Variants in BTBD9 observed in about 807,000 individuals in gnomAD.
The protein encoded by BTBD9 is BTB/POZ domain-containing protein 9.
A neutral mutation model predicts 64.3 loss-of-function variants in BTBD9; 49 were observed. The observed-to-expected ratio is 0.76, with a 90% CI of 0.61 to 0.97. The LOEUF is 0.97. BTBD9 is among the 50% of genes least tolerant of loss of function. BTBD9 has a pLI of 0.00. For synonymous variants in BTBD9, 260 were observed against 274.7 expected (o/e 0.95, Z 0.53); for missense variants, 598 against 762.1 (o/e 0.78, Z 2.53).
chr6:38,470,288 G>A (rs1462461712), intron 6 of BTBD9, among the ~76,000 whole-genome samples: 1 of 152,218 alleles, frequency 6.6e-6, no homozygotes, highest in Non-Finnish European at 1.5e-5. Context: ...ATGAAATGCA[G>A]TCCAATCTTC....
intron 1 of BTBD9, among the ~76,000 whole-genome samples, chr6:38,619,154 T>C (rs1258032126): frequency 6.6e-6 from 1 of 152,158 alleles, no homozygotes; most frequent in African/African-American, 2.4e-5. Flanking sequence ...CCTGACTCCC[T>C]CAAGGATCAA....
intron 6 of BTBD9, among the ~76,000 whole-genome samples, chr6:38,548,859 T>A (rs867134408): frequency 1.7e-4 from 26 of 151,860 alleles, no homozygotes; most frequent in African/African-American, 5.8e-4. Context: ...GAGCAATAAA[T>A]CCATAAGGAA....
chr6:38,255,112 C>T (rs182612262), intron 9 of BTBD9, among the ~76,000 whole-genome samples: 77 of 152,278 alleles, frequency 5.1e-4, no homozygotes, highest in Admixed American at 1.8e-3. Flanking sequence ...TGCTACAACA[C>T]GGATGAACCT....
intron 6 of BTBD9, among the ~76,000 whole-genome samples, chr6:38,349,887 T>C (rs1290851256): frequency 6.6e-6 from 1 of 152,200 alleles, no homozygotes; most frequent in African/African-American, 2.4e-5. Flanking sequence ...CCTAGCTCTG[T>C]GGCACTTCTC....
At chr6:38,433,741 T>C (rs1434498121) in intron 6 of BTBD9, among the ~76,000 whole-genome samples, 1 of 152,000 alleles carries the variant, frequency 6.6e-6, no homozygotes, top group Non-Finnish European at 1.5e-5. Context: ...ACATCTACCA[T>C]GTTTTATTTT....
intron 4 of BTBD9, among the ~76,000 whole-genome samples, chr6:38,590,944 C>G (rs1483627187): frequency 6.6e-6 from 1 of 152,150 alleles, no homozygotes; most frequent in Non-Finnish European, 1.5e-5. Flanking sequence ...TCTAATCATC[C>G]ATTATTTTCC....
chr6:38,328,975 T>TGG (rs1468907474), intron 7 of BTBD9, among the ~76,000 whole-genome samples: 2 of 54,530 alleles, frequency 3.7e-5, no homozygotes, highest in East Asian at 1.6e-3. Flanking sequence ...AATATGTGTG[T>TGG]GTGTGTGTGT....
chr6:38,599,873 A>G (rs1293791801), intron 1 of BTBD9, among the ~76,000 whole-genome samples: 1 of 152,240 alleles, frequency 6.6e-6, no homozygotes, highest in Non-Finnish European at 1.5e-5. Context: ...AAATGAGCTA[A>G]GCAAGAAAAC....
intron 9 of BTBD9, among the ~76,000 whole-genome samples, chr6:38,210,303 C>T (rs1425504321): frequency 6.6e-6 from 1 of 152,112 alleles, no homozygotes; most frequent in East Asian, 1.9e-4. Context: ...ATCTCTCTCT[C>T]TCTCTCTTAT....
intron 9 of BTBD9, among the ~76,000 whole-genome samples, chr6:38,219,210 C>T (rs902182783): frequency 1.4e-5 from 2 of 143,556 alleles, no homozygotes; most frequent in African/African-American, 5.3e-5. Flanking sequence ...GCTTGGCTCA[C>T]TGCCAGCTCC....
intron 1 of BTBD9, among the ~76,000 whole-genome samples, chr6:38,631,907 T>G (rs1441022532): frequency 6.6e-6 from 1 of 152,218 alleles, no homozygotes; most frequent in African/African-American, 2.4e-5. Context: ...GGCGGGCAGA[T>G]CATCTGAGGT....
intron 5 of BTBD9, among the ~76,000 whole-genome samples, chr6:38,579,510 G>A (rs1776197454): frequency 6.6e-6 from 1 of 152,184 alleles, no homozygotes; most frequent in Non-Finnish European, 1.5e-5. Context: ...GCATCACAGT[G>A]GCTGGAAGAA....
rs531994107 is a variant in BTBD9 at position 38,483,038 on chromosome 6, G to C, written c.1154+94562C>G. ...GGCCCCTACAAAGATCCACTCTCCT[G>C]CATTATCAAATCCTCCCTCCCTGTG... On this transcript the variant is annotated intron_variant, in intron 6 of 10. Coordinates refer to ENST00000481247, the MANE Select transcript of BTBD9 (RefSeq NM_001099272.2). Among the ~76,000 whole-genome samples the C allele has an allele frequency of 7.2e-5, 11 of 151,914 alleles. No homozygotes were observed. In the South Asian group the frequency reaches 1.9e-3, roughly 26 times the overall value.
At chr6:38,588,450 C>T (rs1776645063) in intron 4 of BTBD9, 1 of 812,682 alleles carries the variant, frequency 1.2e-6, no homozygotes, top group African/African-American at 1.7e-5. Flanking sequence ...GTAGCATGAC[C>T]CCTCCTCCAA....
At chr6:38,436,161 A>G (rs991866908) in intron 6 of BTBD9, among the ~76,000 whole-genome samples, 1 of 151,932 alleles carries the variant, frequency 6.6e-6, no homozygotes. Context: ...ATAAACGTAA[A>G]AAATGAAGTT....
intron 6 of BTBD9, among the ~76,000 whole-genome samples, chr6:38,382,832 C>G (rs1765996585): frequency 6.6e-6 from 1 of 152,024 alleles, no homozygotes; most frequent in Non-Finnish European, 1.5e-5. Flanking sequence ...CTAGGAAAAT[C>G]TGAATTATCA....
intron 8 of BTBD9, among the ~76,000 whole-genome samples, chr6:38,287,110 AC>A (rs1485439683): frequency 1.5e-4 from 5 of 33,472 alleles, no homozygotes; most frequent in East Asian, 1.4e-3. Flanking sequence ...AAAAAAATAT[AC>A]ACACACACAC....
In BTBD9 at chr6:38,222,658, AT is replaced by A. The variant is rs1313366656; in HGVS notation, c.1563-30062del. ...TCCAGTTGAAGAATATGTAACACTC[AT>A]CTCTGTCTCTCAAAAACAGAAATAC... On this transcript the variant is annotated intron_variant, in intron 9 of 10. Transcript: ENST00000481247. Among the ~76,000 whole-genome samples the A allele has an allele frequency of 7.2e-5, 11 of 152,258 alleles. No homozygotes were observed. The South Asian group carries it at 2.3e-3, about 32-fold the overall frequency.
intron 6 of BTBD9, among the ~76,000 whole-genome samples, chr6:38,407,184 C>T (rs917367993): frequency 6.6e-6 from 1 of 152,182 alleles, no homozygotes; most frequent in African/African-American, 2.4e-5. Flanking sequence ...ACTGTTTAAA[C>T]TTTTATTTTC....
Sources: allele counts gnomAD v4.1 joint callset (sites outside exome capture counted in the v4.1 genomes callset), GRCh38; gene constraint gnomAD v4.1.1; transcripts MANE v1.5; gene names NCBI Gene and HGNC (gene_info 2026-07-23, HGNC 2026-07-21).